The following HSD17B4 variants were observed in gnomAD, a reference collection of about 807,000 sequenced individuals.
The protein encoded by HSD17B4 is hydroxysteroid 17-beta dehydrogenase 4.
In HSD17B4, 70 loss-of-function variants were observed where a neutral mutation model predicts 101.0. That is an observed-to-expected ratio of 0.69 (90% confidence interval 0.57 to 0.85). The LOEUF (loss-of-function observed/expected upper bound fraction) is 0.85, where lower values mean the gene tolerates loss of function less well. HSD17B4 is among the 40% of genes least tolerant of loss of function. The probability of loss-of-function intolerance (pLI) is 0.00; values close to 1 mark genes in which losing one functional copy is unlikely to be tolerated. For synonymous variants in HSD17B4, 347 were observed against 297.1 expected (o/e 1.17, Z -1.73); for missense variants, 984 against 892.4 (o/e 1.10, Z -1.31).
intron 8 of HSD17B4, among the ~76,000 whole-genome samples, chr5:119,485,125 C>A (rs150054162): frequency 2.6e-5 from 4 of 152,244 alleles, no homozygotes; most frequent in Admixed American, 2.0e-4. Flanking sequence ...TTTCTACCCC[C>A]CTGCTTCATA....
intron 22 of HSD17B4, chr5:119,535,818 G>A (rs939851135): frequency 2.1e-4 from 32 of 152,260 alleles, no homozygotes; most frequent in African/African-American, 7.7e-4. Context: ...CTAATATTAA[G>A]GGAAGGTAGC....
At chr5:119,463,188 A>AT (rs530229222) in intron 2 of HSD17B4, among the ~76,000 whole-genome samples, 119 of 152,188 alleles carry the variant, frequency 7.8e-4, no homozygotes, top group Middle Eastern at 3.4e-3. Flanking sequence ...ACAGGATTTC[A>AT]TTTTTTTAAT....
intron 18 of HSD17B4, 126 bp downstream of exon 18, chr5:119,525,411 A>G (rs190230130): frequency 1.8e-5 from 13 of 704,356 alleles, no homozygotes; most frequent in Non-Finnish European, 3.1e-5. Flanking sequence ...TATTTTATTT[A>G]TTACATTTAT....
intron 2 of HSD17B4, among the ~76,000 whole-genome samples, chr5:119,458,508 ATTT>A (rs35423756): frequency 2.9e-5 from 4 of 136,292 alleles, no homozygotes; most frequent in Admixed American, 7.3e-5. Context: ...AGCCTGGCTA[ATTT>A]TTTTTTTTTT....
intron 23 of HSD17B4, among the ~76,000 whole-genome samples, 190 bp from the exon 24 acceptor site, chr5:119,541,712 TTTC>T (rs1038163665): frequency 1.3e-5 from 2 of 149,182 alleles, no homozygotes; most frequent in Non-Finnish European, 3.0e-5. Context: ...AGGAATGATT[TTTC>T]TTTTTTTTAG....
chr5:119,509,691 G>GC (rs1293465037), intron 16 of HSD17B4, among the ~76,000 whole-genome samples: 2 of 152,084 alleles, frequency 1.3e-5, no homozygotes, highest in East Asian at 3.9e-4. Context: ...GTCGACTGCT[G>GC]CAGGAGTCTT....
intron 1 of HSD17B4, among the ~76,000 whole-genome samples, chr5:119,454,577 T>G (rs1056462949): frequency 6.6e-6 from 1 of 151,834 alleles, no homozygotes; most frequent in Non-Finnish European, 1.5e-5. Context: ...CTAAAATAAG[T>G]TATTTGGTGA....
chr5:119,523,304 T>C (rs1332501274), intron 17 of HSD17B4, among the ~76,000 whole-genome samples: 1 of 152,164 alleles, frequency 6.6e-6, no homozygotes, highest in Non-Finnish European at 1.5e-5. Context: ...AAATAATATA[T>C]AGCTATTTTT....
rs1325320937 is a variant in HSD17B4 at position 119,500,542 on chromosome 5, T to C, written c.1209+989T>C. Among the ~76,000 whole-genome samples the C allele has an allele frequency of 2.0e-5, 3 of 152,072 alleles. No individual in the cohort carries two copies. The East Asian group carries it at 5.8e-4, about 29-fold the overall frequency. On this transcript the variant is annotated intron_variant, in intron 13 of 23. Transcript: ENST00000510025. ...TGTCTGTTACACATTTAAGTGGAAA[T>C]ATAAGATGGACAGTTGAATATATGA...
intron 16 of HSD17B4, among the ~76,000 whole-genome samples, chr5:119,511,110 C>A (rs1197694702): frequency 1.3e-5 from 2 of 152,196 alleles, no homozygotes; most frequent in Non-Finnish European, 2.9e-5. Context: ...TCTTGTAAAG[C>A]AAGTGTATCA....
At chr5:119,481,308 A>G (rs1157395089) in intron 8 of HSD17B4, among the ~76,000 whole-genome samples, 1 of 152,322 alleles carries the variant, frequency 6.6e-6, no homozygotes, top group East Asian at 1.9e-4. Context: ...TTCTTCTGCC[A>G]TGGTTTCAGC....
chr5:119,522,328 T>C (rs1222601529), intron 17 of HSD17B4, among the ~76,000 whole-genome samples: 1 of 152,212 alleles, frequency 6.6e-6, no homozygotes, highest in Non-Finnish European at 1.5e-5. Flanking sequence ...TTTAATCCAG[T>C]CTATCATTGT....
intron 18 of HSD17B4, chr5:119,525,612 C>T: frequency 1.9e-6 from 1 of 517,546 alleles, no homozygotes. Flanking sequence ...GGATCATGTA[C>T]CTGTGTGGAT....
intron 23 of HSD17B4, among the ~76,000 whole-genome samples, chr5:119,541,263 C>T (rs1272190678): frequency 6.6e-6 from 1 of 152,080 alleles, no homozygotes; most frequent in Admixed American, 6.5e-5. Flanking sequence ...AAGCTAAGCA[C>T]TCTACACATT....
chr5:119,476,433 C>T, intron 6 of HSD17B4: 1 of 332,970 alleles, frequency 3.0e-6, no homozygotes, highest in Non-Finnish European at 4.3e-6. Context: ...TTTGTGCTTA[C>T]TTTCATTGGC....
At chr5:119,523,757 A>G (rs946624568) in intron 17 of HSD17B4, among the ~76,000 whole-genome samples, 6 of 152,280 alleles carry the variant, frequency 3.9e-5, no homozygotes, top group Middle Eastern at 3.4e-3. Context: ...TTATTGAGGT[A>G]TTATTTATCA....
At chr5:119,481,253 A>G (rs1233748689) in intron 8 of HSD17B4, among the ~76,000 whole-genome samples, 1 of 152,150 alleles carries the variant, frequency 6.6e-6, no homozygotes, top group Non-Finnish European at 1.5e-5. Flanking sequence ...CAAAAGTATT[A>G]ATTTGGGGAA....
intron 9 of HSD17B4, among the ~76,000 whole-genome samples, chr5:119,491,394 T>A (rs1364147311): frequency 6.6e-6 from 1 of 151,980 alleles, no homozygotes; most frequent in East Asian, 1.9e-4. Context: ...TTGTGGTAAG[T>A]TTGGGTACAC....
In HSD17B4 at chr5:119,533,303, A is replaced by T. The variant is rs374768395; in HGVS notation, c.1993+1899A>T. On this transcript the variant is annotated intron_variant, in intron 22 of 23. Coordinates refer to ENST00000510025, the MANE Select transcript of HSD17B4 (RefSeq NM_000414.4). ...TGACAGGATGCCTTTTTTTTTTTTT[A>T]AATCCATAGGGATAATTATTTACAG... Among the ~76,000 whole-genome samples, 6 of 125,126 alleles carry T rather than the reference A, an allele frequency of 4.8e-5. No individual in the cohort carries two copies. The South Asian group carries it at 7.7e-4, about 16-fold the overall frequency. 82.1% of individuals were successfully genotyped at this position (125,126 alleles called of 152,430 possible).
Sources: allele counts gnomAD v4.1 joint callset (sites outside exome capture counted in the v4.1 genomes callset), GRCh38; gene constraint gnomAD v4.1.1; transcripts MANE v1.5; gene names NCBI Gene and HGNC (gene_info 2026-07-23, HGNC 2026-07-21).